Variants in DNAH10 observed in about 807,000 individuals in gnomAD.
DNAH10 encodes the protein axonemal beta dynein heavy chain 10.
DNAH10 carries 348 observed loss-of-function variants against 506.6 expected under a neutral mutation model. That is an observed-to-expected ratio of 0.69 (90% CI 0.63 to 0.75). The LOEUF is 0.75. Ranked by LOEUF, DNAH10 falls within the 30% of genes least tolerant of loss-of-function variation. DNAH10 has a pLI of 0.00. For missense variants in DNAH10, 5,179 were observed against 5,787.1 expected, an observed-to-expected ratio of 0.89 and a Z score of 3.41; for synonymous variants, 2,059 against 2,198.6, an observed-to-expected ratio of 0.94 and a Z score of 1.78.
At position 123,913,593 on chromosome 12, in the gene DNAH10, G is replaced by T. The variant is rs1954332281; in HGVS notation, c.10352+278G>T. ...CCATACCATTTAGCAGGGTGCTCTAGGTTTGGGAAGTGTTCACTTCTTGGT... is the reference window on the plus strand; with the variant it reads ...CCATACCATTTAGCAGGGTGCTCTATGTTTGGGAAGTGTTCACTTCTTGGT... On this transcript the variant is annotated intron_variant, in intron 60 of 78. Coordinates refer to ENST00000673944, the MANE Select transcript of DNAH10 (RefSeq NM_001372106.1). The surrounding 1 kb of genome is among the most constrained non-coding windows in gnomAD (Gnocchi z 5.1). Among the ~76,000 whole-genome samples, 1 of 152,196 alleles carries T rather than the reference G, an allele frequency of 6.6e-6. No homozygotes were observed.
In DNAH10 at chr12:123,931,629, G is replaced by T. The variant is rs975114454; in HGVS notation, c.12917-7G>T. The T allele has an allele frequency of 1.7e-5, 28 of 1,613,740 alleles. No homozygotes were observed. Among genetic ancestry groups the T allele is most frequent in the Non-Finnish European group, 2.3e-5 (27 of 1,179,794 alleles). On this transcript the variant is annotated splice_region_variant and splice_polypyrimidine_tract_variant and intron_variant, in intron 74 of 78. Coordinates refer to ENST00000673944, the MANE Select transcript of DNAH10 (RefSeq NM_001372106.1). ...CTTGCTTTCTCTGAAAAGTGTCCTG[G>T]TTTTAGGGGAATCCAGCAGTGGTAT...
intron 54 of DNAH10, among the ~76,000 whole-genome samples, chr12:123,896,142 CACACACAGAGAGAG>C (rs1299095774): frequency 2.3e-4 from 26 of 113,658 alleles, no homozygotes; most frequent in African/African-American, 8.1e-4. Context: ...CACACACACA[CACACACAGAGAGAG>C]AGAGAGAGAG....
intron 54 of DNAH10, 68 bp from the exon 55 acceptor site, chr12:123,897,702 G>A: frequency 1.9e-6 from 3 of 1,544,462 alleles, no homozygotes; most frequent in South Asian, 1.2e-5. Context: ...TCCAGCCTGG[G>A]CAACAGAGTG....
At position 123,921,691 on chromosome 12, in the gene DNAH10, GTTTTTTTTTTTTTTTTTTTT is replaced by G. The variant is rs35553163; in HGVS notation, c.11507-2051_11507-2032del. On this transcript the variant is annotated intron_variant, in intron 65 of 78. Coordinates refer to ENST00000673944, the MANE Select transcript of DNAH10 (RefSeq NM_001372106.1). ...CTTGTCCATCTGTCTGTAGCTTGCA[GTTTTTTTTTTTTTTTTTTTT>G]TTTTTTTTTTTTTTTTTTTTGAGAC... Among the ~76,000 whole-genome samples the G allele has an allele frequency of 3.7e-3, 232 of 62,886 alleles. 5 individuals carry two copies. Among genetic ancestry groups the G allele is most frequent in the African/African-American group, 0.013 (210 of 16,500 alleles). The allele number at this position is 62,886 out of a possible 152,430, so 41.3% of individuals were successfully genotyped here. A position where few individuals can be genotyped will look rare whatever the true frequency, so the allele number is the denominator to read the frequency against.
intron 51 of DNAH10, among the ~76,000 whole-genome samples, chr12:123,883,391 A>G (rs750085994): frequency 6.6e-6 from 1 of 152,232 alleles, no homozygotes; most frequent in Non-Finnish European, 1.5e-5. Context: ...CAGGTTCCAC[A>G]GGTAACTCAC....
chr12:123,915,529 G>A (rs11829426), intron 62 of DNAH10, among the ~76,000 whole-genome samples: 10,789 of 150,178 alleles, frequency 0.072, 1,108 homozygotes, highest in African/African-American at 0.23. Context: ...CAGTCCTTCC[G>A]TTTCTCCCTC....
chr12:123,930,048 G>C, intron 72 of DNAH10: 1 of 551,522 alleles, frequency 1.8e-6, no homozygotes, highest in Non-Finnish European at 3.2e-6. Flanking sequence ...AAGCATCCCC[G>C]GTGGTCTGCA....
chr12:123,914,397 C>G lies in DNAH10; in HGVS notation c.10421C>G (p.Ala3474Gly), dbSNP rs754218802. The change falls in exon 61 of 79, where the codon GCG becomes GGG. Residue 3474 changes from alanine to glycine, a missense_variant. This residue lies in a region of DNAH10 where 4,844 missense variants were observed against 5,430.5 expected (regional missense o/e 0.89). Transcript: ENST00000673944. ...CTGCTGGGGGACTGCCTGCTCTGCGCGGCTTTCCTCAGCTACGAGGGAGCC... is the reference window on the plus strand; with the variant it reads ...CTGCTGGGGGACTGCCTGCTCTGCGGGGCTTTCCTCAGCTACGAGGGAGCC... ...VKLLGDCLLC[A>G]AFLSYEGAFT... 1.9e-6 allele frequency: 3 copies of G among 1,613,508 alleles called. No homozygotes were observed. Among genetic ancestry groups the G allele is most frequent in the African/African-American group, 1.3e-5 (1 of 74,924 alleles).
rs1200955217 is a variant in DNAH10, at chr12:123,919,842, TG to T, written c.11506+894del. 2.6e-4 allele frequency among the ~76,000 whole-genome samples: 40 copies of T among 152,364 alleles called. No individual in the cohort carries two copies. Among genetic ancestry groups the T allele is most frequent in the African/African-American group, 9.4e-4 (39 of 41,588 alleles). Reference sequence around the variant, plus strand: ...CATTCCATGTATGGACAGACCGCACTGTGTTTATCCACCCGTCACCTGATGG... The same window carrying T: ...CATTCCATGTATGGACAGACCGCACTTGTTTATCCACCCGTCACCTGATGG... On this transcript the variant is annotated intron_variant, in intron 65 of 78. Coordinates refer to ENST00000673944, the MANE Select transcript of DNAH10 (RefSeq NM_001372106.1). The surrounding 1 kb of genome is among the most constrained non-coding windows in gnomAD (Gnocchi z 4.9).
intron 52 of DNAH10, among the ~76,000 whole-genome samples, chr12:123,888,814 C>T (rs888448083): frequency 6.6e-6 from 1 of 152,206 alleles, no homozygotes; most frequent in African/African-American, 2.4e-5. Context: ...CTTAGCCACG[C>T]TCACAACCAC....
chr12:123,861,505 C>G (rs1566009134), intron 39 of DNAH10, among the ~76,000 whole-genome samples: 1 of 152,236 alleles, frequency 6.6e-6, no homozygotes, highest in Non-Finnish European at 1.5e-5. Flanking sequence ...ACACAGCCGC[C>G]ATCAAGCTGC....
rs1409135058 is a variant in DNAH10 at position 123,934,558 on chromosome 12, G to A, written c.13478-63G>A. Reference sequence around the variant, plus strand: ...TGTGTCGCTGTGTGTGCGCCTGATAGAGCCACTCCGTGGCAGGCTGTGCAT... The same window carrying A: ...TGTGTCGCTGTGTGTGCGCCTGATAAAGCCACTCCGTGGCAGGCTGTGCAT... On this transcript the variant is annotated intron_variant, in intron 77 of 78. Coordinates refer to ENST00000673944, the MANE Select transcript of DNAH10 (RefSeq NM_001372106.1). 4 of 1,591,880 alleles carry A rather than the reference G, an allele frequency of 2.5e-6. No homozygotes were observed. The South Asian group carries it at 4.5e-5, about 18-fold the overall frequency.
rs1286812363 is a variant in DNAH10 at position 123,909,225 on chromosome 12, C to T, written c.9816-36C>T. 6 of 1,602,142 alleles carry T rather than the reference C, an allele frequency of 3.7e-6. No individual in the cohort carries two copies. Among genetic ancestry groups the T allele is most frequent in the East Asian group, 2.2e-5 (1 of 44,512 alleles). On this transcript the variant is annotated intron_variant, in intron 57 of 78. Coordinates refer to ENST00000673944, the MANE Select transcript of DNAH10 (RefSeq NM_001372106.1). This position sits in a 1 kb window ranked among gnomAD's most constrained non-coding sequence, Gnocchi z 5.4. ...TTCAGGCCAGATCCTGGCCACATCC[C>T]GGGGTTGTGACCCACGTGCCTTGGT...
At chr12:123,883,731 C>T (rs1194880883) in intron 51 of DNAH10, among the ~76,000 whole-genome samples, 1 of 152,106 alleles carries the variant, frequency 6.6e-6, no homozygotes, top group African/African-American at 2.4e-5. Context: ...TCTTTATTTT[C>T]TTTAGACGTT....
intron 21 of DNAH10, among the ~76,000 whole-genome samples, chr12:123,815,362 A>G (rs939888945): frequency 7.2e-5 from 11 of 152,150 alleles, no homozygotes; most frequent in African/African-American, 2.7e-4. Context: ...AAGACAATTG[A>G]TATTTGCATT....
At position 123,867,599 on chromosome 12, in the gene DNAH10, A is replaced by G; in HGVS notation, c.7300A>G (p.Met2434Val). 1 of 1,613,624 alleles carries G rather than the reference A, an allele frequency of 6.2e-7. No individual in the cohort carries two copies. Among genetic ancestry groups the G allele is most frequent in the African/African-American group, 1.3e-5 (1 of 75,024 alleles). The change falls in exon 42 of 79, where the codon ATG becomes GTG. Residue 2434 changes from methionine to valine, a missense_variant and splice_region_variant. Physicochemically the swap from Met to Val is conservative, Grantham distance 21. Around this residue, in one of 3 missense-constraint regions of DNAH10, gnomAD observed 4,844 missense variants for 5,430.5 expected, o/e 0.89. Transcript: ENST00000673944. ...KTIVPQTDLN[M>V]VTQLAKMLDA... ...AATAGTTCCTCAGACAGACCTCAAT[A>G]TGGTAAGAAATGATCCCTGCTGTTA...
In DNAH10 at chr12:123,898,741, G is replaced by A; in HGVS notation, c.9567G>A (p.Gln3189=). Residue 3189 remains glutamine (Q), a synonymous_variant, in exon 56 of 79, where the codon CAG becomes CAA. Transcript: ENST00000673944. ...AGCTGAACCAGAAGCTGGCCGAGCA[G>A]AAGATCGTGCTGGCGGAGAAGTCCG... ...LDELNQKLAE[Q]KIVLAEKSAA... 6.2e-7 allele frequency: 1 copy of A among 1,611,480 alleles called. No homozygotes were observed. The highest frequency in any genetic ancestry group is 1.1e-5 in the South Asian group (1 of 90,284).
intron 37 of DNAH10, 125 bp from the exon 38 acceptor site, chr12:123,859,025 A>C (rs1951508573): frequency 1.1e-6 from 1 of 882,202 alleles, no homozygotes; most frequent in East Asian, 2.9e-5. Flanking sequence ...CTCTGTGAAT[A>C]TACTGGAAAC....
intron 39 of DNAH10, among the ~76,000 whole-genome samples, chr12:123,864,032 T>C (rs1400862546): frequency 6.6e-6 from 1 of 152,178 alleles, no homozygotes; most frequent in African/African-American, 2.4e-5. Context: ...CACGAAGGAA[T>C]CCAGGTCTGT....
Sources: allele counts gnomAD v4.1 joint callset (sites outside exome capture counted in the v4.1 genomes callset), GRCh38; gene constraint gnomAD v4.1.1; regional missense constraint gnomAD v4.1.1; non-coding constraint Gnocchi (gnomAD v3.1); transcripts MANE v1.5; gene names NCBI Gene and HGNC (gene_info 2026-07-23, HGNC 2026-07-21).